The following COL5A2 variants were observed in gnomAD, a reference collection of about 807,000 sequenced individuals.
COL5A2 encodes the protein collagen alpha-2(V) chain.
COL5A2 carries 23 observed loss-of-function variants against 208.2 expected under a neutral mutation model. The ratio of observed to expected loss-of-function variants is 0.11; its 90% confidence interval spans 0.08 to 0.16. The LOEUF is 0.16. Ranked by LOEUF, COL5A2 falls within the 10% of genes least tolerant of loss-of-function variation. COL5A2 has a pLI of 1.00. For synonymous variants in COL5A2, 625 were observed against 628.5 expected, an observed-to-expected ratio of 0.99 and a Z score of 0.08; for missense variants, 1,590 against 1,956.4, an observed-to-expected ratio of 0.81 and a Z score of 3.53.
intron 3 of COL5A2, among the ~76,000 whole-genome samples, chr2:189,102,206 A>G (rs984598304): frequency 5.3e-5 from 8 of 152,150 alleles, no homozygotes; most frequent in South Asian, 4.1e-4. Flanking sequence ...ACAGCCTGCT[A>G]AGAATAGTTG....
At chr2:189,207,826 A>G (rs1427927585) in intron 1 of COL5A2, among the ~76,000 whole-genome samples, 3 of 152,176 alleles carry the variant, frequency 2.0e-5, no homozygotes, top group South Asian at 4.1e-4. Flanking sequence ...CCTCAGTAAC[A>G]TTCAAAACTG....
chr2:189,371,810 C>G, the COL5A2 span, among the ~76,000 whole-genome samples: 1 of 152,140 alleles, frequency 6.6e-6, no homozygotes, highest in Non-Finnish European at 1.5e-5. Flanking sequence ...ATATTTGTAG[C>G]CTGGCTATGT....
the COL5A2 span, among the ~76,000 whole-genome samples, chr2:189,336,405 T>C: frequency 1.3e-5 from 2 of 152,142 alleles, no homozygotes; most frequent in Non-Finnish European, 1.5e-5. Flanking sequence ...ATTACGTCCA[T>C]AAAATGGCTT....
At chr2:189,084,746 G>A (rs1686613439) in intron 11 of COL5A2, among the ~76,000 whole-genome samples, 1 of 152,128 alleles carries the variant, frequency 6.6e-6, no homozygotes, top group Non-Finnish European at 1.5e-5. Flanking sequence ...TCATTGGGGA[G>A]CCATATTGGC....
At chr2:189,205,341 G>A (rs974421703) in intron 1 of COL5A2, among the ~76,000 whole-genome samples, 7 of 152,216 alleles carry the variant, frequency 4.6e-5, no homozygotes, top group African/African-American at 1.7e-4. Flanking sequence ...TCCTGGAGAT[G>A]TTCAGTAATG....
At chr2:189,317,193 C>G in the COL5A2 span, among the ~76,000 whole-genome samples, 1 of 151,962 alleles carries the variant, frequency 6.6e-6, no homozygotes, top group East Asian at 1.9e-4. Flanking sequence ...GTTCAGGTTC[C>G]TAAGATTACT....
the COL5A2 span, among the ~76,000 whole-genome samples, chr2:189,340,531 C>A: frequency 2.0e-5 from 3 of 152,216 alleles, no homozygotes; most frequent in Admixed American, 2.0e-4. Flanking sequence ...CACGTTGTGT[C>A]TTCAACCTTG....
the COL5A2 span, among the ~76,000 whole-genome samples, chr2:189,364,885 TA>T: frequency 6.6e-6 from 1 of 152,206 alleles, no homozygotes; most frequent in African/African-American, 2.4e-5. Flanking sequence ...GAACCTTAGT[TA>T]ATAATATTGT....
In COL5A2 at chr2:189,110,425, C is replaced by T; in HGVS notation, c.122G>A (p.Cys41Tyr). Residue 41 changes from cysteine (C) to tyrosine (Y), a missense_variant, in exon 2 of 54, where the codon TGC becomes TAC. Coordinates refer to ENST00000374866, the MANE Select transcript of COL5A2 (RefSeq NM_000393.5). ...EDEGYGEEIACTQNGQMYLNR... is the reference protein window; with the variant it reads ...EDEGYGEEIAYTQNGQMYLNR... ...TAAGTACATCTGGCCATTCTGAGTG[C>T]AGGCTATTTCTTCACCATATCCTTC... The T allele has an allele frequency of 6.2e-7, 1 of 1,613,828 alleles. No homozygotes were observed. Among genetic ancestry groups the T allele is most frequent in the Non-Finnish European group, 8.5e-7 (1 of 1,179,734 alleles).
the COL5A2 span, among the ~76,000 whole-genome samples, chr2:189,377,378 T>C: frequency 6.6e-6 from 1 of 152,164 alleles, no homozygotes; most frequent in African/African-American, 2.4e-5. Context: ...AGACCTACAT[T>C]ATACCGGGTA....
At chr2:189,331,637 C>T in the COL5A2 span, among the ~76,000 whole-genome samples, 1 of 152,110 alleles carries the variant, frequency 6.6e-6, no homozygotes, top group East Asian at 1.9e-4. Context: ...GATTGTGAGG[C>T]CTCCCCAGCC....
chr2:189,364,457 C>G, the COL5A2 span, among the ~76,000 whole-genome samples: 1 of 152,238 alleles, frequency 6.6e-6, no homozygotes, highest in Admixed American at 6.5e-5. Context: ...GAGACCCAGT[C>G]GGGTAAATTA....
At chr2:189,305,915 A>G in the COL5A2 span, among the ~76,000 whole-genome samples, 8 of 151,920 alleles carry the variant, frequency 5.3e-5, no homozygotes, top group African/African-American at 1.9e-4. Context: ...GACATGTTTG[A>G]TCCACCAGCA....
intron 1 of COL5A2, among the ~76,000 whole-genome samples, chr2:189,220,906 G>C (rs1256867100): frequency 6.6e-6 from 1 of 152,058 alleles, no homozygotes; most frequent in African/African-American, 2.4e-5. Context: ...TAGTTTCAGT[G>C]CTTATCTCTT....
intron 12 of COL5A2, among the ~76,000 whole-genome samples, chr2:189,082,893 T>G (rs1294769228): frequency 6.6e-6 from 1 of 152,200 alleles, no homozygotes; most frequent in Non-Finnish European, 1.5e-5. Context: ...TGCATTTATT[T>G]CCCAGGCTGA....
chr2:189,133,296 T>C (rs74674391), intron 1 of COL5A2, among the ~76,000 whole-genome samples: 249 of 14,984 alleles, frequency 0.017, 2 homozygotes, highest in Admixed American at 0.027. Context: ...ATTTTTTGTA[T>C]TTTTAGTAGA....
the COL5A2 span, among the ~76,000 whole-genome samples, chr2:189,277,021 C>T: frequency 2.6e-5 from 4 of 152,222 alleles, no homozygotes; most frequent in East Asian, 7.7e-4. Context: ...GCATTTGAAT[C>T]TCAGCTATGC....
chr2:189,146,144 G>A (rs1688035101), intron 1 of COL5A2, among the ~76,000 whole-genome samples: 1 of 152,136 alleles, frequency 6.6e-6, no homozygotes, highest in African/African-American at 2.4e-5. Flanking sequence ...AGAAGGTACA[G>A]TTGTGAAATT....
chr2:189,200,375 A>C (rs1299628141), intron 1 of COL5A2, among the ~76,000 whole-genome samples: 3 of 152,042 alleles, frequency 2.0e-5, no homozygotes, highest in Non-Finnish European at 2.9e-5. Context: ...AGAAAGTAGG[A>C]AGCTGCTAAG....
Sources: allele counts gnomAD v4.1 joint callset (sites outside exome capture counted in the v4.1 genomes callset), GRCh38; gene constraint gnomAD v4.1.1; transcripts MANE v1.5; gene names NCBI Gene and HGNC (gene_info 2026-07-23, HGNC 2026-07-21).